The following OPCML variants were observed in gnomAD, a reference collection of about 807,000 sequenced individuals.
OPCML encodes the protein opioid binding protein/cell adhesion molecule like.
OPCML carries 13 observed loss-of-function variants against 37.8 expected under a neutral mutation model. The ratio of observed to expected loss-of-function variants is 0.34; its 90% CI spans 0.22 to 0.55. The LOEUF is 0.55. Among genes scored for constraint, OPCML ranks in the 20% least tolerant of loss-of-function variants. The probability of loss-of-function intolerance (pLI) is 0.91; values close to 1 mark genes in which losing one functional copy is unlikely to be tolerated. For synonymous variants in OPCML, 176 were observed against 168.8 expected, an observed-to-expected ratio of 1.04 and a Z score of -0.33; for missense variants, 341 against 435.6, an observed-to-expected ratio of 0.78 and a Z score of 1.93.
At chr11:133,039,948 G>T (rs1947857713) in intron 1 of OPCML, among the ~76,000 whole-genome samples, 1 of 151,502 alleles carries the variant, frequency 6.6e-6, no homozygotes, top group Non-Finnish European at 1.5e-5. Context: ...AGAATTACTT[G>T]AACCCGGGAG....
intron 2 of OPCML, among the ~76,000 whole-genome samples, chr11:132,789,811 G>T (rs1383236667): frequency 1.3e-5 from 2 of 152,156 alleles, no homozygotes; most frequent in African/African-American, 4.8e-5. Flanking sequence ...CATCAGCAAT[G>T]CCCCTCATCT....
At chr11:132,964,960 T>A (rs577487981) in intron 1 of OPCML, among the ~76,000 whole-genome samples, 44 of 152,348 alleles carry the variant, frequency 2.9e-4, no homozygotes, top group African/African-American at 9.9e-4. Flanking sequence ...ATTCCTTATA[T>A]TGCAACACAC....
chr11:133,378,930 T>A (rs544863623), intron 1 of OPCML, among the ~76,000 whole-genome samples: 26 of 152,170 alleles, frequency 1.7e-4, no homozygotes, highest in Admixed American at 4.6e-4. Flanking sequence ...ATTTTTATTT[T>A]ATTTTTGTAG....
chr11:133,473,027 A>C (rs558344942), intron 1 of OPCML, among the ~76,000 whole-genome samples: 1 of 152,190 alleles, frequency 6.6e-6, no homozygotes, highest in African/African-American at 2.4e-5. Flanking sequence ...CTGATGCTGC[A>C]TTTTCTGTCC....
intron 1 of OPCML, among the ~76,000 whole-genome samples, chr11:133,399,582 A>G (rs7125836): frequency 0.47 from 71,811 of 151,826 alleles, 19,767 homozygotes; most frequent in African/African-American, 0.78. Context: ...GACAGTGGGC[A>G]TTCAGCGAAC....
At chr11:132,477,696 G>A (rs1465049502) in intron 4 of OPCML, among the ~76,000 whole-genome samples, 1 of 152,208 alleles carries the variant, frequency 6.6e-6, no homozygotes, top group Non-Finnish European at 1.5e-5. Flanking sequence ...ATGTTTTTCT[G>A]GAGTGTGTGC....
At chr11:133,077,809 A>T (rs955883862) in intron 1 of OPCML, among the ~76,000 whole-genome samples, 6 of 152,198 alleles carry the variant, frequency 3.9e-5, no homozygotes, top group African/African-American at 1.4e-4. Flanking sequence ...TTAAACATAC[A>T]ATGCAAATGC....
At chr11:133,407,534 TC>T (rs1353098549) in intron 1 of OPCML, among the ~76,000 whole-genome samples, 1 of 151,946 alleles carries the variant, frequency 6.6e-6, no homozygotes, top group Non-Finnish European at 1.5e-5. Context: ...GGGATCCACA[TC>T]CACTCCACTA....
chr11:133,158,671 G>A (rs1173015043), intron 1 of OPCML, among the ~76,000 whole-genome samples: 1 of 149,326 alleles, frequency 6.7e-6, no homozygotes, highest in Non-Finnish European at 1.5e-5. Flanking sequence ...CTGCACTCCA[G>A]CCTGGTGACA....
At chr11:133,532,228 C>A in intron 1 of OPCML, 36 bp downstream of exon 1, 1 of 1,608,964 alleles carries the variant, frequency 6.2e-7, no homozygotes. Flanking sequence ...GTACAATCAC[C>A]CCAGGGAGAG....
intron 2 of OPCML, among the ~76,000 whole-genome samples, chr11:132,674,610 C>G (rs1459440400): frequency 6.6e-6 from 1 of 152,094 alleles, no homozygotes; most frequent in Non-Finnish European, 1.5e-5. Context: ...CTTTTGGTGA[C>G]TTTGAGGGTG....
intron 4 of OPCML, among the ~76,000 whole-genome samples, chr11:132,446,347 G>A (rs1269747580): frequency 6.6e-6 from 1 of 151,258 alleles, no homozygotes; most frequent in Admixed American, 6.6e-5. Context: ...GAGGGAGGGA[G>A]GGAGGAAGAG....
At chr11:133,330,245 A>G (rs1396524777) in intron 1 of OPCML, among the ~76,000 whole-genome samples, 1 of 152,214 alleles carries the variant, frequency 6.6e-6, no homozygotes, top group African/African-American at 2.4e-5. Flanking sequence ...GTGGGACTGT[A>G]AACTAGTTCA....
intron 2 of OPCML, among the ~76,000 whole-genome samples, chr11:132,676,789 G>GAAAAAAAAAAAAAAAAAAAAACAA: frequency 1.1e-5 from 1 of 93,810 alleles, no homozygotes; most frequent in African/African-American, 3.4e-5. Flanking sequence ...AAACAAACAA[G>GAAAAAAAAAAAAAAAAAAAAACAA]AAAAAAAAAA....
intron 3 of OPCML, among the ~76,000 whole-genome samples, chr11:132,630,566 G>C (rs192555052): frequency 1.3e-5 from 2 of 152,176 alleles, no homozygotes. Flanking sequence ...TCATAGTTGA[G>C]AGCAGAGAGC....
At chr11:133,397,231 T>G (rs934716357) in intron 1 of OPCML, among the ~76,000 whole-genome samples, 5 of 152,246 alleles carry the variant, frequency 3.3e-5, no homozygotes, top group African/African-American at 1.2e-4. Flanking sequence ...GAGAATGGTC[T>G]ATGTCTCTTC....
intron 3 of OPCML, among the ~76,000 whole-genome samples, chr11:132,641,223 C>T (rs547409417): frequency 6.6e-6 from 1 of 152,134 alleles, no homozygotes; most frequent in Non-Finnish European, 1.5e-5. Context: ...TGACATGCCA[C>T]CACATCCTGA....
intron 2 of OPCML, among the ~76,000 whole-genome samples, chr11:132,902,728 T>G (rs1165318019): frequency 5.3e-5 from 8 of 152,084 alleles, no homozygotes; most frequent in Non-Finnish European, 1.2e-4. Flanking sequence ...CTCTTGAATT[T>G]CCTTATCTGA....
At chr11:132,618,451 C>T (rs1278666982) in intron 3 of OPCML, among the ~76,000 whole-genome samples, 5 of 152,080 alleles carry the variant, frequency 3.3e-5, no homozygotes, top group South Asian at 4.2e-4. Flanking sequence ...TGCAGTGAGC[C>T]GAGATGGCAC....
Sources: gnomAD v4.1 joint callset for allele counts (sites outside exome capture counted in the v4.1 genomes callset) on GRCh38, gnomAD v4.1.1 for gene constraint, MANE v1.5 for transcripts, NCBI Gene and HGNC (gene_info 2026-07-23, HGNC 2026-07-21) for gene names.